The following GNB1 variants were observed in gnomAD, a reference collection of about 807,000 sequenced individuals.
GNB1 encodes G protein subunit beta 1.
GNB1 carries 2 observed loss-of-function variants against 42.9 expected under a neutral mutation model. That is an observed-to-expected ratio of 0.05 (90% CI 0.02 to 0.15). The LOEUF is 0.15. Among genes scored for constraint, GNB1 ranks in the 10% least tolerant of loss-of-function variants. GNB1 has a pLI of 1.00. For missense variants in GNB1, 193 were observed against 462.2 expected (o/e 0.42, Z 5.34); for synonymous variants, 183 against 174.7 (o/e 1.05, Z -0.38).
chr1:1,817,761 C>T lies in GNB1; in HGVS notation c.96+76G>A. ...CAACAGAGAATGCAAGCAGAGCCCT[C>T]CCGAGGCTCCAGGTGTGGGTGCCGT... On this transcript the variant is annotated intron_variant, in intron 4 of 11. Transcript: ENST00000378609. 3.0e-6 allele frequency: 3 copies of T among 1,016,002 alleles called. No homozygotes were observed. The South Asian group carries it at 3.9e-5, about 13-fold the overall frequency. The allele number at this position is 1,016,002 out of a possible 1,614,324, so 62.9% of individuals were successfully genotyped here. A position where few individuals can be genotyped will look rare whatever the true frequency, so the allele number is the denominator to read the frequency against.
rs542279439 is a variant in GNB1, at chr1:1,885,003, T to C, written c.-96+5817A>G. Among the ~76,000 whole-genome samples, 697 of 151,998 alleles carry C rather than the reference T, an allele frequency of 4.6e-3. 2 individuals carry two copies. Among genetic ancestry groups the C allele is most frequent in the Non-Finnish European group, 7.0e-3 (477 of 67,950 alleles). ...CGGCCAGTATTCCAATTCTAACAGGTGAATGAATTAATACATAAAGTCCTC... is the reference window on the plus strand; with the variant it reads ...CGGCCAGTATTCCAATTCTAACAGGCGAATGAATTAATACATAAAGTCCTC... On this transcript the variant is annotated intron_variant, in intron 1 of 11. Transcript: ENST00000378609.
At chr1:1,788,754 G>A (rs1646439736) in intron 10 of GNB1, 1 of 317,716 alleles carries the variant, frequency 3.1e-6, no homozygotes, top group Admixed American at 4.0e-5. Flanking sequence ...CCCTGAAGCA[G>A]AGTTCAGAGG....
chr1:1,812,597 T>C (rs567409005), intron 5 of GNB1, among the ~76,000 whole-genome samples: 2 of 152,294 alleles, frequency 1.3e-5, no homozygotes, highest in South Asian at 2.1e-4. Context: ...ACAAATGCCA[T>C]GCACCTAGCA....
At chr1:1,865,891 G>GTTTTT (rs145478331) in intron 1 of GNB1, among the ~76,000 whole-genome samples, 10 of 151,406 alleles carry the variant, frequency 6.6e-5, no homozygotes, top group African/African-American at 2.2e-4. Context: ...AAACAGTTTT[G>GTTTTT]TTTTTTGGTT....
At chr1:1,874,038 A>T (rs1013134081) in intron 1 of GNB1, among the ~76,000 whole-genome samples, 1 of 152,156 alleles carries the variant, frequency 6.6e-6, no homozygotes, top group Admixed American at 6.5e-5. Flanking sequence ...CTTCTCATTG[A>T]CTTCTGATCT....
intron 6 of GNB1, 73 bp from the exon 7 acceptor site, chr1:1,804,654 C>A (rs961903592): frequency 1.4e-5 from 17 of 1,175,544 alleles, no homozygotes; most frequent in Non-Finnish European, 1.9e-5. Flanking sequence ...ATTTTCTCAT[C>A]TCCAACTTTC....
chr1:1,836,257 A>G (rs1323351566), intron 2 of GNB1, among the ~76,000 whole-genome samples: 2 of 152,032 alleles, frequency 1.3e-5, no homozygotes, highest in Non-Finnish European at 1.5e-5. Context: ...CGTGGGCTGT[A>G]GTCTCCATCT....
intron 10 of GNB1, 174 bp downstream of exon 10, chr1:1,788,879 C>G (rs1317104739): frequency 8.5e-6 from 5 of 588,418 alleles, no homozygotes; most frequent in Non-Finnish European, 1.5e-5. Context: ...TCCTCGGAGT[C>G]CACTTGCCTG....
intron 7 of GNB1, among the ~76,000 whole-genome samples, chr1:1,799,840 T>C (rs949024092): frequency 6.6e-6 from 1 of 152,066 alleles, no homozygotes; most frequent in African/African-American, 2.4e-5. Flanking sequence ...AGTAGACAGA[T>C]TACTGGGCAA....
Position 1,815,803 on chromosome 1 carries a change from C to A in GNB1, c.156G>T (p.Arg52=). The A allele has an allele frequency of 6.2e-7, 1 of 1,611,450 alleles. No individual in the cohort carries two copies. The highest frequency in any genetic ancestry group is 8.5e-7 in the Non-Finnish European group (1 of 1,177,688). ...RIQMRTRRTL[R]GHLAKIYAMH... ...TGGCGTAGATCTTGGCCAGGTGCCC[C>A]CGCAGTGTCCTCCTCGTGCGCATTT... Residue 52 remains arginine (R), a synonymous_variant, in exon 5 of 12, where the codon CGG becomes CGT. Transcript: ENST00000378609.
chr1:1,849,400 A>G (rs1280055590), intron 1 of GNB1, among the ~76,000 whole-genome samples: 1 of 152,018 alleles, frequency 6.6e-6, no homozygotes, highest in Non-Finnish European at 1.5e-5. Flanking sequence ...AAACCCCACA[A>G]CTTTTGTCTG....
chr1:1,792,504 C>T (rs1557881821), intron 8 of GNB1, among the ~76,000 whole-genome samples: 1 of 151,912 alleles, frequency 6.6e-6, no homozygotes, highest in Non-Finnish European at 1.5e-5. Flanking sequence ...AGAGACCATC[C>T]TGGCCAACGT....
At chr1:1,874,169 A>C (rs1430729494) in intron 1 of GNB1, among the ~76,000 whole-genome samples, 1 of 152,112 alleles carries the variant, frequency 6.6e-6, no homozygotes, top group Admixed American at 6.5e-5. Context: ...CTAGCAAAGC[A>C]TAAACACAAC....
intron 1 of GNB1, among the ~76,000 whole-genome samples, chr1:1,853,106 T>C (rs1648081246): frequency 6.6e-6 from 1 of 152,100 alleles, no homozygotes; most frequent in Non-Finnish European, 1.5e-5. Context: ...TTTCCCCTCC[T>C]GCCCCTGTGC....
chr1:1,842,606 G>C (rs1647289874), intron 1 of GNB1, among the ~76,000 whole-genome samples: 1 of 152,126 alleles, frequency 6.6e-6, no homozygotes, highest in South Asian at 2.1e-4. Flanking sequence ...TGGTTGCCAG[G>C]GGCTGCATGT....
rs187712696 is a variant in GNB1, at chr1:1,819,633, G to A, written c.58-1758C>T. Among the ~76,000 whole-genome samples the A allele has an allele frequency of 2.8e-4, 43 of 152,108 alleles. 1 individual carries two copies. In the East Asian group the frequency reaches 8.1e-3, roughly 29 times the overall value. On this transcript the variant is annotated intron_variant, in intron 3 of 11. Coordinates refer to ENST00000378609, the MANE Select transcript of GNB1 (RefSeq NM_002074.5). The stretch of plus-strand genomic sequence containing the variant: ...AGCTCACTGCAGCCTCGACCTCCTG[G>A]GCTCAGGTGACCCTCCCACGTCAGC...
Position 1,822,298 on chromosome 1 carries a change from T to C in GNB1, c.57+3099A>G, listed in dbSNP as rs902956511. On this transcript the variant is annotated intron_variant, in intron 3 of 11. Transcript: ENST00000378609. Reference sequence around the variant, plus strand: ...CACGGTGCCTGGCCGTCTCTCTTTTTACTTTTTTTTTTTTTTTTTTTGAGA... The same window carrying C: ...CACGGTGCCTGGCCGTCTCTCTTTTCACTTTTTTTTTTTTTTTTTTTGAGA... 7.7e-5 allele frequency among the ~76,000 whole-genome samples: 10 copies of C among 129,518 alleles called. No homozygotes were observed. In the South Asian group the frequency reaches 2.2e-3, roughly 28 times the overall value. 85.0% of individuals were successfully genotyped at this position (129,518 alleles called of 152,430 possible). A position where few individuals can be genotyped will look rare whatever the true frequency, so the allele number is the denominator to read the frequency against.
chr1:1,877,314 A>T (rs57488553), intron 1 of GNB1, among the ~76,000 whole-genome samples: 35,493 of 129,330 alleles, frequency 0.27, 5,109 homozygotes, highest in African/African-American at 0.41. Flanking sequence ...AAAAAAAAAA[A>T]AAATATATAT....
chr1:1,876,492 C>CGAGAGAGAGAGAGAGAGAGAGAGA (rs35226472), intron 1 of GNB1, among the ~76,000 whole-genome samples: 12 of 147,926 alleles, frequency 8.1e-5, no homozygotes, highest in African/African-American at 2.5e-4. Flanking sequence ...CATGTGCACA[C>CGAGAGAGAGAGAGAGAGAGAGAGA]GAGAGAGAGA....
Sources: allele counts gnomAD v4.1 joint callset (sites outside exome capture counted in the v4.1 genomes callset), GRCh38; gene constraint gnomAD v4.1.1; transcripts MANE v1.5; gene names NCBI Gene and HGNC (gene_info 2026-07-23, HGNC 2026-07-21).